Variants in CCSER1 observed in about 807,000 individuals in gnomAD.
The protein encoded by CCSER1 is coiled-coil serine rich protein 1, also known as serine-rich coiled-coil domain-containing protein 1.
CCSER1 carries 41 observed loss-of-function variants against 82.0 expected under a neutral mutation model. The ratio of observed to expected loss-of-function variants is 0.50; its 90% confidence interval spans 0.39 to 0.65. The LOEUF is 0.65. CCSER1 is among the 30% of genes least tolerant of loss of function. CCSER1 has a pLI of 0.00. For missense variants in CCSER1, 1,119 were observed against 1,064.2 expected (o/e 1.05, Z -0.72); for synonymous variants, 414 against 383.9 (o/e 1.08, Z -0.92).
chr4:90,325,871 G>A (rs1738084638), intron 3 of CCSER1, among the ~76,000 whole-genome samples: 1 of 152,020 alleles, frequency 6.6e-6, no homozygotes, highest in African/African-American at 2.4e-5. Flanking sequence ...ATTATATTCA[G>A]TATTGACCAT....
intron 10 of CCSER1, among the ~76,000 whole-genome samples, chr4:91,119,961 T>C (rs900422098): frequency 6.6e-6 from 1 of 152,032 alleles, no homozygotes; most frequent in African/African-American, 2.4e-5. Context: ...TGGAGTTTTA[T>C]AAATTATCTA....
rs1581850477 is a variant in CCSER1 at position 91,255,050 on chromosome 4, A to G, written c.2217+169056A>G. 2.0e-5 allele frequency among the ~76,000 whole-genome samples: 3 copies of G among 152,184 alleles called. No homozygotes were observed. The East Asian group carries it at 5.8e-4, about 30-fold the overall frequency. On this transcript the variant is annotated intron_variant, in intron 10 of 10. Transcript: ENST00000509176. ...AGCCTATTCATATCTGCCTTGTTTT[A>G]AAGCAAACACTGTCAAGCAGAAAGA...
chr4:90,569,521 T>A (rs985547461), intron 5 of CCSER1, among the ~76,000 whole-genome samples: 2 of 152,162 alleles, frequency 1.3e-5, no homozygotes, highest in Non-Finnish European at 2.9e-5. Context: ...AAGGAAGTGA[T>A]GAGTGAAGGA....
intron 3 of CCSER1, among the ~76,000 whole-genome samples, chr4:90,363,174 G>T (rs544461303): frequency 6.6e-6 from 1 of 152,088 alleles, no homozygotes; most frequent in African/African-American, 2.4e-5. Context: ...CGAAATAGCT[G>T]TGGTTCCTGT....
rs563044641 is a variant in CCSER1, at chr4:90,205,546, C to G, written c.-42+77715C>G. ...CCAATCTTGCATCCCAGGGATGAAG[C>G]CTACTTGATTGTGGTGGATAAGCTT... On this transcript the variant is annotated intron_variant, in intron 1 of 10. Coordinates refer to ENST00000509176, the MANE Select transcript of CCSER1 (RefSeq NM_001145065.2). Among the ~76,000 whole-genome samples the G allele has an allele frequency of 1.3e-4, 20 of 152,258 alleles. No homozygotes were observed. In the East Asian group the frequency reaches 3.9e-3, roughly 29 times the overall value.
At position 90,862,623 on chromosome 4, in the gene CCSER1, G is replaced by A. The variant is rs750412134; in HGVS notation, c.2094+46778G>A. ...GTGATGGCAGCTTCACATTAGTCCA[G>A]CAATTCAAGATGGAAATAGGACAAT... On this transcript the variant is annotated intron_variant, in intron 8 of 10. Coordinates refer to ENST00000509176, the MANE Select transcript of CCSER1 (RefSeq NM_001145065.2). Among the ~76,000 whole-genome samples the A allele has an allele frequency of 2.0e-4, 31 of 151,890 alleles. 1 individual carries two copies. The highest frequency in any genetic ancestry group is 1.2e-3 in the Admixed American group (18 of 15,206).
At chr4:91,575,312 G>A (rs7675138) in intron 10 of CCSER1, among the ~76,000 whole-genome samples, 16,946 of 151,916 alleles carry the variant, frequency 0.11, 1,019 homozygotes, top group South Asian at 0.21. Context: ...TCATGGCAAT[G>A]TTTCTTGGAT....
chr4:91,066,583 GT>G (rs1417588553), intron 9 of CCSER1, among the ~76,000 whole-genome samples: 1 of 152,186 alleles, frequency 6.6e-6, no homozygotes, highest in Non-Finnish European at 1.5e-5. Context: ...TCCAAAGCCG[GT>G]GTGAATAGAT....
rs186449434 is a variant in CCSER1, at chr4:91,483,680, C to T, written c.2218-114892C>T. Among the ~76,000 whole-genome samples, 341 of 152,250 alleles carry T rather than the reference C, an allele frequency of 2.2e-3. 1 individual carries two copies. The highest frequency in any genetic ancestry group is 7.8e-3 in the African/African-American group (325 of 41,540). Reference sequence around the variant, plus strand: ...CGAACTCCTGACCTTAGGTGACCCACCCGCCTCGGCCTCCCAAAATGCTGG... The same window carrying T: ...CGAACTCCTGACCTTAGGTGACCCATCCGCCTCGGCCTCCCAAAATGCTGG... On this transcript the variant is annotated intron_variant, in intron 10 of 10. Transcript: ENST00000509176.
At chr4:90,593,451 C>T (rs1393330450) in intron 5 of CCSER1, among the ~76,000 whole-genome samples, 2 of 152,080 alleles carry the variant, frequency 1.3e-5, no homozygotes, top group Non-Finnish European at 2.9e-5. Context: ...GACTCAAGAG[C>T]CCTGTTACAG....
chr4:90,273,934 G>T (rs1331553473), intron 1 of CCSER1, among the ~76,000 whole-genome samples: 3 of 152,050 alleles, frequency 2.0e-5, no homozygotes, highest in Admixed American at 2.0e-4. Context: ...CAAGATATTT[G>T]CAATTATTCA....
At position 90,944,722 on chromosome 4, in the gene CCSER1, A is replaced by C. The variant is rs953720389; in HGVS notation, c.2172+21275A>C. Among the ~76,000 whole-genome samples the C allele has an allele frequency of 2.0e-5, 3 of 152,178 alleles. 1 individual carries two copies. Among genetic ancestry groups the C allele is most frequent in the African/African-American group, 7.2e-5 (3 of 41,436 alleles). On this transcript the variant is annotated intron_variant, in intron 9 of 10. Transcript: ENST00000509176. Reference sequence around the variant, plus strand: ...CCTTAACCTGGGACATGCTGTTAACATTTCCATATGTAAGGACCCTCCTTC... The same window carrying C: ...CCTTAACCTGGGACATGCTGTTAACCTTTCCATATGTAAGGACCCTCCTTC...
chr4:90,619,760 T>G, intron 5 of CCSER1, among the ~76,000 whole-genome samples: 1 of 152,072 alleles, frequency 6.6e-6, no homozygotes, highest in East Asian at 1.9e-4. Flanking sequence ...TGTGTATCTT[T>G]ATGTGTATAG....
intron 1 of CCSER1, among the ~76,000 whole-genome samples, chr4:90,158,720 G>A (rs1728836270): frequency 6.6e-6 from 1 of 152,180 alleles, no homozygotes; most frequent in African/African-American, 2.4e-5. Flanking sequence ...CGTTTTTTAA[G>A]CCTGTCAGAA....
chr4:90,360,556 G>A (rs1169994164), intron 3 of CCSER1, among the ~76,000 whole-genome samples: 5 of 125,616 alleles, frequency 4.0e-5, no homozygotes, highest in Non-Finnish European at 7.9e-5. Flanking sequence ...GTCCAGCCTG[G>A]ACGACAGAGC....
intron 1 of CCSER1, among the ~76,000 whole-genome samples, chr4:90,232,483 T>G (rs1003717978): frequency 6.6e-6 from 1 of 151,990 alleles, no homozygotes; most frequent in African/African-American, 2.4e-5. Context: ...CAAGATGGAT[T>G]AAAGACTTAA....
chr4:91,087,926 T>C (rs918744010), intron 10 of CCSER1, among the ~76,000 whole-genome samples: 1 of 152,112 alleles, frequency 6.6e-6, no homozygotes, highest in Non-Finnish European at 1.5e-5. Context: ...GACAATTAGG[T>C]GAAGTATGTT....
intron 10 of CCSER1, among the ~76,000 whole-genome samples, chr4:91,183,674 T>C (rs1363689485): frequency 6.6e-6 from 1 of 152,182 alleles, no homozygotes; most frequent in African/African-American, 2.4e-5. Flanking sequence ...AAAGCTACTC[T>C]ACTAAGTCCT....
At chr4:90,913,391 A>G (rs564105245) in intron 8 of CCSER1, among the ~76,000 whole-genome samples, 30 of 152,302 alleles carry the variant, frequency 2.0e-4, no homozygotes, top group African/African-American at 6.5e-4. Flanking sequence ...CAGCCAAAAT[A>G]AGCTTCATAA....
Sources: allele counts gnomAD v4.1 joint callset (sites outside exome capture counted in the v4.1 genomes callset), GRCh38; gene constraint gnomAD v4.1.1; transcripts MANE v1.5; gene names NCBI Gene and HGNC (gene_info 2026-07-23, HGNC 2026-07-21).